FAM171A1: variants seen among roughly 807,000 people sequenced by gnomAD.
FAM171A1 encodes the protein family with sequence similarity 171 member A1, also known as protein FAM171A1.
In FAM171A1, 23 loss-of-function variants were observed where a neutral mutation model predicts 74.9. The ratio of observed to expected loss-of-function variants is 0.31; its 90% CI spans 0.22 to 0.44. The LOEUF is 0.44. Ranked by LOEUF, FAM171A1 falls within the 20% of genes least tolerant of loss-of-function variation. The pLI, the probability that FAM171A1 is intolerant of heterozygous loss-of-function variation, is 1.00. For missense variants in FAM171A1, 1,162 were observed against 1,159.2 expected, an observed-to-expected ratio of 1.00 and a Z score of -0.03; for synonymous variants, 527 against 505.7, an observed-to-expected ratio of 1.04 and a Z score of -0.57.
chr10:15,269,104 T>A (rs535185642), intron 3 of FAM171A1, among the ~76,000 whole-genome samples: 36 of 152,020 alleles, frequency 2.4e-4, no homozygotes, highest in East Asian at 5.8e-4. Context: ...GCCCATGATT[T>A]TTTATTTATT....
At chr10:15,278,066 G>A (rs1834917183) in intron 2 of FAM171A1, among the ~76,000 whole-genome samples, 1 of 152,142 alleles carries the variant, frequency 6.6e-6, no homozygotes, top group Non-Finnish European at 1.5e-5. Flanking sequence ...AAGCAGTGCT[G>A]GCTCTTAGTG....
chr10:15,287,353 A>G (rs1835049352), intron 1 of FAM171A1, among the ~76,000 whole-genome samples: 1 of 149,934 alleles, frequency 6.7e-6, no homozygotes, highest in African/African-American at 2.5e-5. Context: ...CAGCCTCCCA[A>G]AGTGCTGTGA....
chr10:15,237,438 TG>T (rs1244415831), intron 5 of FAM171A1: 2 of 152,188 alleles, frequency 1.3e-5, no homozygotes, highest in African/African-American at 2.4e-5. Flanking sequence ...AATACAAGAT[TG>T]TTTTTTGAGT....
chr10:15,251,926 C>T (rs896254202), intron 4 of FAM171A1, among the ~76,000 whole-genome samples: 1 of 152,150 alleles, frequency 6.6e-6, no homozygotes, highest in Non-Finnish European at 1.5e-5. Context: ...ACACCACTGG[C>T]CCAAGCGAGG....
chr10:15,273,137 A>G (rs1291492169), intron 3 of FAM171A1, among the ~76,000 whole-genome samples: 2 of 152,192 alleles, frequency 1.3e-5, no homozygotes, highest in Non-Finnish European at 2.9e-5. Context: ...AAATTGATAG[A>G]CCACTAGCAA....
At chr10:15,337,942 C>A (rs1002292135) in intron 1 of FAM171A1, among the ~76,000 whole-genome samples, 30 of 151,946 alleles carry the variant, frequency 2.0e-4, no homozygotes, top group African/African-American at 6.5e-4. Flanking sequence ...CAGAGCGAGA[C>A]TCCATCTTAA....
chr10:15,236,135 A>G (rs1050115918), intron 5 of FAM171A1, among the ~76,000 whole-genome samples: 13 of 152,170 alleles, frequency 8.5e-5, no homozygotes, highest in Non-Finnish European at 1.8e-4. Flanking sequence ...TGATGTTTCC[A>G]AATATGGAAC....
In FAM171A1 at chr10:15,254,768, T is replaced by A; in HGVS notation, c.530A>T (p.Glu177Val). The change falls in exon 4 of 8, where the codon GAG (glutamate) becomes GTG (valine). Residue 177 changes from glutamate (E) to valine (V), a missense_variant. Physicochemically the swap from Glu to Val is moderately radical, Grantham distance 121. Coordinates refer to ENST00000378116, the MANE Select transcript of FAM171A1 (RefSeq NM_001010924.2). The stretch of plus-strand genomic sequence containing the variant: ...TCGCAAATAAGGAAAACTGTCCACC[T>A]CCGAAGGGGAGCTGGCGGCCGTGAG... ...AFLTAASSPS[E>V]VDSFPYLRGL... The A allele has an allele frequency of 6.2e-7, 1 of 1,614,140 alleles. No individual in the cohort carries two copies. Among genetic ancestry groups the A allele is most frequent in the Non-Finnish European group, 8.5e-7 (1 of 1,180,006 alleles).
At chr10:15,238,706 G>C (rs1214950937) in intron 5 of FAM171A1, among the ~76,000 whole-genome samples, 4 of 152,190 alleles carry the variant, frequency 2.6e-5, no homozygotes, top group Admixed American at 1.3e-4. Flanking sequence ...GGCCAATTGT[G>C]AGTGGGTATT....
At chr10:15,281,200 T>G (rs1834966501) in intron 2 of FAM171A1, among the ~76,000 whole-genome samples, 1 of 152,202 alleles carries the variant, frequency 6.6e-6, no homozygotes, top group African/African-American at 2.4e-5. Context: ...GGAAGCTTCC[T>G]GAGGCTTCCC....
rs906956662 is a variant in FAM171A1 at position 15,214,346 on chromosome 10, C to T, written c.1242G>A (p.Met414Ile). ...PGGEGDLHTP[M>I]LKLSYSTSQE... ...GGGAGGTGCTGTAGGAGAGCTTGAG[C>T]ATGGGGGTGTGCAGGTCCCCTTCGC... Residue 414 changes from methionine to isoleucine, a missense_variant, in exon 8 of 8, where the codon ATG becomes ATA. By Grantham distance (10) the Met-to-Ile change is conservative. Transcript: ENST00000378116. The T allele has an allele frequency of 6.2e-7, 1 of 1,612,690 alleles. No homozygotes were observed. The highest frequency in any genetic ancestry group is 1.3e-5 in the African/African-American group (1 of 74,966).
chr10:15,322,705 T>G (rs1448336314), intron 1 of FAM171A1, among the ~76,000 whole-genome samples: 2 of 152,242 alleles, frequency 1.3e-5, no homozygotes, highest in Non-Finnish European at 2.9e-5. Flanking sequence ...GGGGTCATTT[T>G]GGTAAATTCA....
chr10:15,327,770 G>A (rs1204158408), intron 1 of FAM171A1, among the ~76,000 whole-genome samples: 1 of 152,084 alleles, frequency 6.6e-6, no homozygotes, highest in African/African-American at 2.4e-5. Context: ...GGGCCTACTT[G>A]AGGGTGCAGG....
At chr10:15,241,494 G>C (rs1834364095) in intron 5 of FAM171A1, 1 of 152,208 alleles carries the variant, frequency 6.6e-6, no homozygotes, top group Admixed American at 6.5e-5. Flanking sequence ...CAATATGCCA[G>C]CAGATGGGCC....
intron 5 of FAM171A1, among the ~76,000 whole-genome samples, chr10:15,237,237 G>C (rs1834303070): frequency 6.6e-6 from 1 of 152,100 alleles, no homozygotes; most frequent in South Asian, 2.1e-4. Context: ...GCTATACCAA[G>C]ACGGGAAATT....
intron 2 of FAM171A1, among the ~76,000 whole-genome samples, chr10:15,276,739 C>T (rs1834899841): frequency 6.6e-6 from 1 of 152,160 alleles, no homozygotes; most frequent in Admixed American, 6.6e-5. Flanking sequence ...GGCTGGAGTG[C>T]AGTGGCACGG....
At chr10:15,263,270 C>T (rs558545969) in intron 3 of FAM171A1, among the ~76,000 whole-genome samples, 2 of 152,172 alleles carry the variant, frequency 1.3e-5, no homozygotes, top group Admixed American at 6.5e-5. Flanking sequence ...CTGGCTCCCC[C>T]AGTCTCATCT....
At position 15,334,416 on chromosome 10, in the gene FAM171A1, G is replaced by C. The variant is rs543698380; in HGVS notation, c.97+36540C>G. Among the ~76,000 whole-genome samples the C allele has an allele frequency of 3.9e-5, 6 of 152,294 alleles. No individual in the cohort carries two copies. In the South Asian group the frequency reaches 1.2e-3, roughly 32 times the overall value. On this transcript the variant is annotated intron_variant, in intron 1 of 7. Transcript: ENST00000378116. The stretch of plus-strand genomic sequence containing the variant: ...AAAAACTTCAATGAATGAAACATTT[G>C]GTGGTTAACCGCTAAAGTTATTAAC...
intron 1 of FAM171A1, among the ~76,000 whole-genome samples, chr10:15,370,738 GCC>G (rs563436470): frequency 0.023 from 3,289 of 141,586 alleles, 111 homozygotes; most frequent in African/African-American, 0.079. Context: ...CCGATCCCCG[GCC>G]CCCGAAGCCT....
Sources: allele counts gnomAD v4.1 joint callset (sites outside exome capture counted in the v4.1 genomes callset), GRCh38; gene constraint gnomAD v4.1.1; transcripts MANE v1.5; gene names NCBI Gene and HGNC (gene_info 2026-07-23, HGNC 2026-07-21).